Variants in CASK observed in about 807,000 individuals in gnomAD.
CASK encodes the protein calcium/calmodulin dependent serine protein kinase.
Under a neutral mutation model 82.9 loss-of-function variants are expected in CASK, and 4 were observed. The ratio of observed to expected loss-of-function variants is 0.05; its 90% CI spans 0.02 to 0.11. CASK has a LOEUF of 0.11. Among genes scored for constraint, CASK ranks in the 10% least tolerant of loss-of-function variants. The pLI is 1.00. For missense variants in CASK, 358 were observed against 720.9 expected (o/e 0.50, Z 5.76); for synonymous variants, 259 against 253.5 (o/e 1.02, Z -0.20).
At chrX:41,660,149 T>G in intron 8 of CASK, 1 of 401,366 alleles carries the variant, frequency 2.5e-6, no homozygotes. Context: ...GTTGTTGATG[T>G]TGCATATCTT....
intron 3 of CASK, among the ~76,000 whole-genome samples, chrX:41,778,366 G>A (rs1298490923): frequency 1.8e-5 from 2 of 109,010 alleles, no homozygotes; most frequent in Non-Finnish European, 3.8e-5. Context: ...GAGTAGCTAG[G>A]ATTACAGGCG....
intron 1 of CASK, among the ~76,000 whole-genome samples, chrX:41,890,221 T>TGC (rs1162224676): frequency 4.1e-5 from 1 of 24,457 alleles, no homozygotes; most frequent in East Asian, 4.9e-3. Flanking sequence ...TGCATGCGTG[T>TGC]GTGTGTGTGT....
At chrX:41,822,418 C>T (rs1248637880) in intron 2 of CASK, among the ~76,000 whole-genome samples, 3 of 108,646 alleles carry the variant, frequency 2.8e-5, no homozygotes, top group East Asian at 2.9e-4. Context: ...ATTAGCTGGG[C>T]GTGGTGGTGT....
At chrX:41,715,868 T>C (rs1049598174) in intron 5 of CASK, among the ~76,000 whole-genome samples, 2 of 112,269 alleles carry the variant, frequency 1.8e-5, no homozygotes. Context: ...GTGGGGCAGA[T>C]TTCCCTGGTG....
Position 41,642,181 on chromosome X carries a change from T to A in CASK, c.832-5520A>T, listed in dbSNP as rs185398840. ...TTGGGTTGGTTCCAAGTCTTTGCTA[T>A]TGTGAATAGTGCTGTAATAAACAGA... On this transcript the variant is annotated intron_variant, in intron 8 of 26. Coordinates refer to ENST00000378163, the MANE Select transcript of CASK (RefSeq NM_001367721.1). Among the ~76,000 whole-genome samples, 59 of 111,549 alleles carry A rather than the reference T, an allele frequency of 5.3e-4. 2 individuals carry two copies. In the East Asian group the frequency reaches 0.015, roughly 28 times the overall value.
intron 5 of CASK, among the ~76,000 whole-genome samples, chrX:41,708,098 C>G (rs1308100111): frequency 3.4e-5 from 3 of 88,130 alleles, no homozygotes; most frequent in Non-Finnish European, 6.3e-5. Flanking sequence ...AGCCTGGCGA[C>G]AGAGCGAGAC....
At chrX:41,585,040 A>T (rs1040132483) in intron 14 of CASK, 9 of 112,614 alleles carry the variant, frequency 8.0e-5, no homozygotes, top group African/African-American at 2.9e-4. Flanking sequence ...GCCCTGGCTC[A>T]TTCACTGGGA....
At position 41,727,490 on chromosome X, in the gene CASK, T is replaced by C. The variant is rs1247252094; in HGVS notation, c.429+11894A>G. 3.3e-6 allele frequency: 4 copies of C among 1,209,541 alleles called. No homozygotes were observed. In the Admixed American group the frequency reaches 8.7e-5, roughly 26 times the overall value. On this transcript the variant is annotated intron_variant, in intron 5 of 26. Transcript: ENST00000378163. ...CGCCAGCCCAACTTTGCTAGAAAAC[T>C]ATGCATTTACATATGGGGAGTTGTA...
chrX:41,753,504 A>G (rs764996396), intron 3 of CASK, among the ~76,000 whole-genome samples: 5 of 112,398 alleles, frequency 4.4e-5, no homozygotes, highest in Admixed American at 1.9e-4. Context: ...ATTAAACCCA[A>G]TGAAGGTAGA....
chrX:41,594,782 G>T (rs1447352052), intron 12 of CASK, among the ~76,000 whole-genome samples: 3 of 111,788 alleles, frequency 2.7e-5, no homozygotes, highest in East Asian at 2.8e-4. Flanking sequence ...GGCAGGGGAC[G>T]AGAACGTTTC....
chrX:41,565,659 A>G (rs780665688), intron 16 of CASK, among the ~76,000 whole-genome samples: 1 of 111,945 alleles, frequency 8.9e-6, no homozygotes, highest in East Asian at 2.8e-4. Flanking sequence ...CCGGAGGTAC[A>G]AAGAGGAGCT....
chrX:41,679,386 T>C (rs113775975), intron 5 of CASK, among the ~76,000 whole-genome samples: 1,484 of 112,044 alleles, frequency 0.013, 25 homozygotes, highest in African/African-American at 0.045. Flanking sequence ...TATTCTTTTA[T>C]GTAAGGCTTC....
At position 41,853,244 on chromosome X, in the gene CASK, C is replaced by A; in HGVS notation, c.60-17G>T. 2.0e-6 allele frequency: 2 copies of A among 1,010,269 alleles called. No homozygotes were observed. The highest frequency in any genetic ancestry group is 3.8e-5 in the South Asian group (2 of 52,118). 83.3% of individuals were successfully genotyped at this position (1,010,269 alleles called of 1,213,427 possible). On this transcript the variant is annotated splice_polypyrimidine_tract_variant and intron_variant, in intron 1 of 26. Transcript: ENST00000378163. ...AAGGGACCCCTATAAAACAAAAAGT[C>A]AATTTTAATTCATTGATTCTCTTAA...
intron 5 of CASK, among the ~76,000 whole-genome samples, chrX:41,709,576 G>A (rs2067939580): frequency 9.0e-6 from 1 of 111,436 alleles, no homozygotes; most frequent in Admixed American, 9.6e-5. Context: ...TATCACTGTA[G>A]GCAAGTTATC....
chrX:41,588,674 A>G (rs764183858), intron 13 of CASK, among the ~76,000 whole-genome samples: 1 of 109,729 alleles, frequency 9.1e-6, no homozygotes, highest in African/African-American at 3.3e-5. Context: ...TAGTAATTTC[A>G]CTTTATAAGA....
intron 7 of CASK, among the ~76,000 whole-genome samples, chrX:41,663,206 A>G (rs1386892677): frequency 8.9e-6 from 1 of 111,838 alleles, no homozygotes; most frequent in East Asian, 2.8e-4. Context: ...GAAATTTTTG[A>G]TAATAAAAGA....
intron 1 of CASK, among the ~76,000 whole-genome samples, chrX:41,873,027 A>G (rs1397196369): frequency 4.5e-5 from 5 of 111,630 alleles, no homozygotes; most frequent in Non-Finnish European, 9.4e-5. Flanking sequence ...CTTACAGAAA[A>G]GTGCTTTTGT....
chrX:41,888,645 ATGTGTATATATGTG>A (rs1028030730), intron 1 of CASK, among the ~76,000 whole-genome samples: 13 of 105,352 alleles, frequency 1.2e-4, no homozygotes, highest in Non-Finnish European at 2.1e-4. Context: ...ATGTATATAT[ATGTGTATATATGTG>A]TGTGTATATA....
chrX:41,541,982 G>C (rs2064951699), intron 22 of CASK, among the ~76,000 whole-genome samples: 1 of 111,705 alleles, frequency 9.0e-6, no homozygotes, highest in African/African-American at 3.3e-5. Flanking sequence ...GAATCTTCTG[G>C]GGATTCTATT....
Sources: gnomAD v4.1 joint callset for allele counts (sites outside exome capture counted in the v4.1 genomes callset) on GRCh38, gnomAD v4.1.1 for gene constraint, MANE v1.5 for transcripts, NCBI Gene and HGNC (gene_info 2026-07-23, HGNC 2026-07-21) for gene names.